The following SLC26A7 variants were observed in gnomAD, a reference collection of about 807,000 sequenced individuals.
SLC26A7 encodes solute carrier family 26 member 7, also known as anion exchange transporter.
A neutral mutation model predicts 82.5 loss-of-function variants in SLC26A7; 59 were observed. The observed-to-expected ratio is 0.72, with a 90% CI of 0.58 to 0.89. The LOEUF (loss-of-function observed/expected upper bound fraction) is 0.89. Among genes scored for constraint, SLC26A7 ranks in the 40% least tolerant of loss-of-function variants. The pLI, the probability that SLC26A7 is intolerant of heterozygous loss-of-function variation, is 0.00. For synonymous variants in SLC26A7, 271 were observed against 274.3 expected (o/e 0.99, Z 0.12); for missense variants, 820 against 793.0 (o/e 1.03, Z -0.41).
At chr8:91,291,589 A>G (rs1404032191) in intron 3 of SLC26A7, among the ~76,000 whole-genome samples, 5 of 152,230 alleles carry the variant, frequency 3.3e-5, no homozygotes, top group Admixed American at 2.0e-4. Context: ...CCAATATACC[A>G]TAATTGCTTT....
chr8:91,329,531 C>T (rs534688439), intron 5 of SLC26A7, among the ~76,000 whole-genome samples: 24 of 152,250 alleles, frequency 1.6e-4, no homozygotes, highest in African/African-American at 4.3e-4. Context: ...TCATTCCATT[C>T]ATTCTGGGGT....
At chr8:91,264,129 T>C (rs1811045516) in intron 2 of SLC26A7, among the ~76,000 whole-genome samples, 1 of 152,094 alleles carries the variant, frequency 6.6e-6, no homozygotes, top group Non-Finnish European at 1.5e-5. Flanking sequence ...TAGTGCCAGA[T>C]GCATTGGGCT....
intron 2 of SLC26A7, among the ~76,000 whole-genome samples, chr8:91,277,819 TA>T (rs1201490531): frequency 6.6e-6 from 1 of 151,308 alleles, no homozygotes; most frequent in Non-Finnish European, 1.5e-5. Flanking sequence ...GTATCAATAT[TA>T]AAAAACAAAC....
chr8:91,317,468 G>T (rs764673820), intron 4 of SLC26A7, among the ~76,000 whole-genome samples: 14 of 152,104 alleles, frequency 9.2e-5, no homozygotes, highest in Non-Finnish European at 2.1e-4. Context: ...TATGCCTAGT[G>T]TTCCACTATT....
chr8:91,363,333 C>T, intron 12 of SLC26A7, 139 bp from the exon 13 acceptor site: 1 of 493,634 alleles, frequency 2.0e-6, no homozygotes, highest in Non-Finnish European at 3.6e-6. Flanking sequence ...CACCAATGTC[C>T]TCTTATGAAC....
At chr8:91,338,763 C>T (rs949116112) in intron 7 of SLC26A7, among the ~76,000 whole-genome samples, 1 of 151,900 alleles carries the variant, frequency 6.6e-6, no homozygotes, top group African/African-American at 2.4e-5. Flanking sequence ...AGATGTTCAC[C>T]CTAAAATGAG....
intron 15 of SLC26A7, among the ~76,000 whole-genome samples, chr8:91,372,560 T>G (rs537267967): frequency 6.6e-6 from 1 of 152,156 alleles, no homozygotes; most frequent in East Asian, 1.9e-4. Context: ...GATTTATTTC[T>G]GGATTCTCTA....
Position 91,382,918 on chromosome 8 carries a change from T to G in SLC26A7, c.1676-6420T>G, listed in dbSNP as rs7837082. ...ACAAGAACACTCTTCATTTTACTGA[T>G]GAAGTTGAGGCCCGTATGGGAGACT... On this transcript the variant is annotated intron_variant, in intron 15 of 18. Transcript: ENST00000276609. Among the ~76,000 whole-genome samples, 381 of 152,274 alleles carry G rather than the reference T, an allele frequency of 2.5e-3. 1 individual carries two copies. The highest frequency in any genetic ancestry group is 8.6e-3 in the African/African-American group (359 of 41,564).
chr8:91,290,445 A>C (rs914435055), intron 3 of SLC26A7, among the ~76,000 whole-genome samples: 1 of 152,062 alleles, frequency 6.6e-6, no homozygotes, highest in East Asian at 1.9e-4. Flanking sequence ...GGGGCAATCC[A>C]TTTTCTTGAC....
intron 4 of SLC26A7, among the ~76,000 whole-genome samples, chr8:91,304,135 A>G (rs143696588): frequency 6.6e-6 from 1 of 152,350 alleles, no homozygotes; most frequent in Non-Finnish European, 1.5e-5. Context: ...CATATATTCA[A>G]TCCTCATTGA....
In SLC26A7 at chr8:91,295,569, G is replaced by A. The variant is rs142137657; in HGVS notation, c.343G>A (p.Val115Met). 2.2e-5 allele frequency: 35 copies of A among 1,613,712 alleles called. No homozygotes were observed. In the Middle Eastern group the frequency reaches 6.6e-4, roughly 30 times the overall value. ...ALTSLISANA[V>M]ERIVPQNMQN... ...GACATCCTTAATATCAGCCAACGCC[G>A]TGGAACGGATTGTCCCTCAGAACAT... The change falls in exon 4 of 19, where the codon GTG becomes ATG. Residue 115 changes from valine to methionine, a missense_variant. Coordinates refer to ENST00000276609, the MANE Select transcript of SLC26A7 (RefSeq NM_052832.4).
chr8:91,396,353 G>C lies in SLC26A7; in HGVS notation c.*1256G>C, dbSNP rs1302135802. 1 of 151,908 alleles carries C rather than the reference G, an allele frequency of 6.6e-6. No homozygotes were observed. Among genetic ancestry groups the C allele is most frequent in the Non-Finnish European group, 1.5e-5 (1 of 67,860 alleles). The allele number at this position is 151,908 out of a possible 1,614,324, so 9.4% of individuals were successfully genotyped here. ...CTAAAAATTACCAGAGTAAGAAAAA[G>C]CTAGGTACTTTAAAGTGAGTTTGAG... On this transcript the variant is annotated 3_prime_UTR_variant, in exon 19 of 19. Coordinates refer to ENST00000276609, the MANE Select transcript of SLC26A7 (RefSeq NM_052832.4).
At chr8:91,327,687 AC>A (rs1468678330) in intron 5 of SLC26A7, among the ~76,000 whole-genome samples, 1 of 152,174 alleles carries the variant, frequency 6.6e-6, no homozygotes, top group Non-Finnish European at 1.5e-5. Context: ...AGTAGTTTAT[AC>A]CTACTATTAA....
chr8:91,351,334 A>G (rs1029486158), intron 9 of SLC26A7, among the ~76,000 whole-genome samples: 1 of 152,148 alleles, frequency 6.6e-6, no homozygotes, highest in Non-Finnish European at 1.5e-5. Context: ...GCCTTTACTA[A>G]CAAAGAAATC....
At chr8:91,374,406 T>G (rs542306238) in intron 15 of SLC26A7, among the ~76,000 whole-genome samples, 1 of 151,850 alleles carries the variant, frequency 6.6e-6, no homozygotes, top group African/African-American at 2.4e-5. Flanking sequence ...TGCTGTATCT[T>G]AGAGGTTTGT....
intron 8 of SLC26A7, among the ~76,000 whole-genome samples, chr8:91,342,807 A>G (rs1813456586): frequency 6.6e-6 from 1 of 152,212 alleles, no homozygotes; most frequent in South Asian, 2.1e-4. Context: ...TTATATGTAG[A>G]TAGAGAAGAG....
intron 3 of SLC26A7, among the ~76,000 whole-genome samples, chr8:91,291,737 A>G (rs1811874910): frequency 6.6e-6 from 1 of 152,260 alleles, no homozygotes; most frequent in South Asian, 2.1e-4. Context: ...ATAAGACTCT[A>G]TATTTAACAA....
chr8:91,235,992 T>C (rs1810387822), intron 2 of SLC26A7, among the ~76,000 whole-genome samples: 1 of 152,216 alleles, frequency 6.6e-6, no homozygotes, highest in African/African-American at 2.4e-5. Flanking sequence ...CTGAAAATTT[T>C]ACTTAGATGC....
At chr8:91,295,291 G>T (rs890252505) in intron 3 of SLC26A7, among the ~76,000 whole-genome samples, 3 of 152,190 alleles carry the variant, frequency 2.0e-5, no homozygotes, top group African/African-American at 7.2e-5. Flanking sequence ...GTCTGAACCA[G>T]GAGGGAATAG....
Sources: gnomAD v4.1 joint callset for allele counts (sites outside exome capture counted in the v4.1 genomes callset) on GRCh38, gnomAD v4.1.1 for gene constraint, MANE v1.5 for transcripts, NCBI Gene and HGNC (gene_info 2026-07-23, HGNC 2026-07-21) for gene names.